SLC4A11: variants seen among roughly 807,000 people sequenced by gnomAD.
The protein encoded by SLC4A11 is solute carrier family 4 member 11, also known as bicarbonate transporter related protein 1.
A neutral mutation model predicts 95.0 loss-of-function variants in SLC4A11; 74 were observed. That is an observed-to-expected ratio of 0.78 (90% CI 0.65 to 0.95). The LOEUF (loss-of-function observed/expected upper bound fraction) is 0.95, where lower values mean the gene tolerates loss of function less well. SLC4A11 is among the 40% of genes least tolerant of loss of function. SLC4A11 has a pLI of 0.00. For synonymous variants in SLC4A11, 548 were observed against 519.0 expected (o/e 1.06, Z -0.76); for missense variants, 1,081 against 1,192.4 (o/e 0.91, Z 1.38).
chr20:3,229,060 G>GGGGGCCCC, intron 16 of SLC4A11, 35 bp downstream of exon 16: 2 of 1,542,122 alleles, frequency 1.3e-6, no homozygotes, highest in Non-Finnish European at 1.7e-6. Flanking sequence ...AGAGGCCCGG[G>GGGGGCCCC]CCCCGCCCAC....
rs1188387701 is a variant in SLC4A11 at position 3,231,296 on chromosome 20, A to ACCCTGCCGGCCCCCGCCGG, written c.948+15_948+33dup. 1 of 1,612,142 alleles carries ACCCTGCCGGCCCCCGCCGG rather than the reference A, an allele frequency of 6.2e-7. No homozygotes were observed. The highest frequency in any genetic ancestry group is 1.1e-5 in the South Asian group (1 of 91,002). ...CCCTGTCCGGCCCATGCCCCCGCCGACCCTGCCGGCCCCCGCCGGCCTCTA... is the reference window on the plus strand; with the variant it reads ...CCCTGTCCGGCCCATGCCCCCGCCGACCCTGCCGGCCCCCGCCGGCCCTGCCGGCCCCCGCCGGCCTCTA... On this transcript the variant is annotated intron_variant, in intron 8 of 19. Transcript: ENST00000642402. This position sits in a 1 kb window ranked among gnomAD's most constrained non-coding sequence, Gnocchi z 5.2.
In SLC4A11 at chr20:3,233,974, C is replaced by T. The variant is rs754766964; in HGVS notation, c.552G>A (p.Gly184=). 3 of 1,613,928 alleles carry T rather than the reference C, an allele frequency of 1.9e-6. No individual in the cohort carries two copies. Among genetic ancestry groups the T allele is most frequent in the Non-Finnish European group, 2.5e-6 (3 of 1,180,020 alleles). The change falls in exon 6 of 20, where the codon GGG becomes GGA. Residue 184 remains glycine (G), a synonymous_variant. Transcript: ENST00000642402. ...GCACCCCTGTCACTGTGGCGGTGAC[C>T]CCTTGGATGGTATCTGACAGCAGGT... is the stretch of plus-strand genomic sequence containing the variant. ...KVHLLSDTIQ[G]VTATVTGVRY...
chr20:3,238,320 G>T lies in SLC4A11; in HGVS notation c.44-732C>A, dbSNP rs879221686. 12 of 985,478 alleles carry T rather than the reference G, an allele frequency of 1.2e-5. 1 individual carries two copies. In the South Asian group the frequency reaches 5.2e-4, roughly 42 times the overall value. The allele number at this position is 985,478 out of a possible 1,614,324, so 61.0% of individuals were successfully genotyped here. A position where few individuals can be genotyped will look rare whatever the true frequency, so the allele number is the denominator to read the frequency against. Reference sequence around the variant, plus strand: ...GTCGGAGGAAGGAAGCGACAGGAGGGGCCGCGTGCACGAGAGGAAAGCGCC... The same window carrying T: ...GTCGGAGGAAGGAAGCGACAGGAGGTGCCGCGTGCACGAGAGGAAAGCGCC... On this transcript the variant is annotated intron_variant, in intron 1 of 19. Transcript: ENST00000642402.
In SLC4A11 at chr20:3,228,879, G is replaced by C. The variant is rs780159355; in HGVS notation, c.2151C>G (p.Ala717=). Residue 717 remains alanine, a synonymous_variant, in exon 17 of 20, where the codon GCC becomes GCG. Coordinates refer to ENST00000642402, the MANE Select transcript of SLC4A11 (RefSeq NM_001174089.2). ...CGTTCTCCACACGCTCCTCCACTAA[G>C]GCCAGGGCTCGCACGTGCAGCGGGG... ...PHSPLHVRAL[A]LVEERVENGH... is the part of the protein sequence containing the mutation. The C allele has an allele frequency of 9.3e-6, 15 of 1,613,932 alleles. No individual in the cohort carries two copies. Among genetic ancestry groups the C allele is most frequent in the Admixed American group, 1.7e-5 (1 of 60,012 alleles).
chr20:3,231,590 G>A lies in SLC4A11; in HGVS notation c.730-42C>T, dbSNP rs1481945362. 6.3e-7 allele frequency: 1 copy of A among 1,586,234 alleles called. No individual in the cohort carries two copies. Among genetic ancestry groups the A allele is most frequent in the Non-Finnish European group, 8.6e-7 (1 of 1,161,266 alleles). The stretch of plus-strand genomic sequence containing the variant: ...GGAGTCACCCCTAGAAACAGAGGAG[G>A]CCCTGCCCGGGCCGAGCAGGTGAAG... On this transcript the variant is annotated intron_variant, in intron 7 of 19. Coordinates refer to ENST00000642402, the MANE Select transcript of SLC4A11 (RefSeq NM_001174089.2). The surrounding 1 kb of genome is among the most constrained non-coding windows in gnomAD (Gnocchi z 5.2).
upstream of SLC4A11, chr20:3,239,471 G>C: frequency 9.7e-7 from 1 of 1,025,802 alleles, no homozygotes; most frequent in Non-Finnish European, 1.2e-6. Context: ...AGCGTCGCGA[G>C]TTTAGGGGCT....
chr20:3,230,608 T>A lies in SLC4A11; in HGVS notation c.1322A>T (p.Asn441Ile), dbSNP rs2067725899. 18 of 1,613,204 alleles carry A rather than the reference T, an allele frequency of 1.1e-5. No homozygotes were observed. In the East Asian group the frequency reaches 4.0e-4, roughly 36 times the overall value. ...CAGGCCCGTCCATGCGTAGAAGGAG[T>A]TGAAGTCCAGGTCATAGTCATCACA... The part of the protein sequence containing the change: ...VICDDYDLDF[N>I]SFYAWTGLWN... Residue 441 changes from asparagine to isoleucine, a missense_variant, in exon 12 of 20, where the codon AAC (asparagine) becomes ATC (isoleucine). Asn to Ile is a moderately radical substitution (Grantham distance 149). This residue lies in a region of SLC4A11 where 767 missense variants were observed against 858.0 expected (regional missense o/e 0.89). Coordinates refer to ENST00000642402, the MANE Select transcript of SLC4A11 (RefSeq NM_001174089.2).
intron 2 of SLC4A11, among the ~76,000 whole-genome samples, chr20:3,237,098 G>A (rs1467546498): frequency 6.6e-6 from 1 of 152,180 alleles, no homozygotes; most frequent in Non-Finnish European, 1.5e-5. Context: ...AGAGACATGA[G>A]GAGGAAGACA....
chr20:3,238,233 C>G, intron 1 of SLC4A11: 3 of 1,282,150 alleles, frequency 2.3e-6, no homozygotes, highest in Non-Finnish European at 3.0e-6. Context: ...ACACATGGGT[C>G]GGGGGAGGCT....
chr20:3,230,321 C>T (rs1287069930), intron 12 of SLC4A11, 61 bp from the exon 13 acceptor site: 1 of 1,595,424 alleles, frequency 6.3e-7, no homozygotes, highest in East Asian at 2.2e-5. Flanking sequence ...TGGGGGAGGC[C>T]TCCCTGAGCC....
intron 7 of SLC4A11, among the ~76,000 whole-genome samples, chr20:3,233,275 G>A (rs533568230): frequency 1.2e-3 from 180 of 152,290 alleles, no homozygotes; most frequent in African/African-American, 3.8e-3. Flanking sequence ...GTTTGAATAG[G>A]GATAGTGGTC....
At position 3,233,646 on chromosome 20, in the gene SLC4A11, G is replaced by C; in HGVS notation, c.606-9C>G. On this transcript the variant is annotated splice_polypyrimidine_tract_variant and intron_variant, in intron 6 of 19. Transcript: ENST00000642402. ...GGGCCTTCATGGTACAGCTGGCAGG[G>C]GCGGGGAGGACACAGTGCACAGTTG... 6.2e-7 allele frequency: 1 copy of C among 1,611,484 alleles called. No individual in the cohort carries two copies. Among genetic ancestry groups the C allele is most frequent in the Non-Finnish European group, 8.5e-7 (1 of 1,179,988 alleles).
At chr20:3,235,089 G>C (rs565298830) in intron 2 of SLC4A11, among the ~76,000 whole-genome samples, 195 bp from the exon 3 acceptor site, 22 of 152,296 alleles carry the variant, frequency 1.4e-4, no homozygotes, top group Admixed American at 1.4e-3. Flanking sequence ...CTGCCACAAA[G>C]TGAGTCTCCA....
In SLC4A11 at chr20:3,228,968, C is replaced by T. The variant is rs748362724; in HGVS notation, c.2062G>A (p.Ala688Thr). 5.0e-6 allele frequency: 8 copies of T among 1,613,694 alleles called. No individual in the cohort carries two copies. In the African/African-American group the frequency reaches 5.3e-5, roughly 11 times the overall value. The change falls in exon 17 of 20, where the codon GCC becomes ACC. Residue 688 changes from alanine to threonine, a missense_variant. By Grantham distance (58) the Ala-to-Thr change is moderately conservative. Around this residue, in one of 3 missense-constraint regions of SLC4A11, gnomAD observed 767 missense variants for 858.0 expected, o/e 0.89. Transcript: ENST00000642402. ...AGAGACAGCCCTGTGTTGATGATGG[C>T]GAGGAGCAGGAGGTCCCAGTGGTAG... ...TAYHWDLLLLAIINTGLSLFG... is the reference protein window; with the variant it reads ...TAYHWDLLLLTIINTGLSLFG...
intron 1 of SLC4A11, chr20:3,237,897 T>C (rs2068035868): frequency 6.4e-7 from 1 of 1,550,774 alleles, no homozygotes; most frequent in Non-Finnish European, 8.7e-7. Context: ...CAGTACCATG[T>C]TCGCTAATCC....
At position 3,234,681 on chromosome 20, in the gene SLC4A11, C is replaced by T. The variant is rs576554552; in HGVS notation, c.241+61G>A. The stretch of plus-strand genomic sequence containing the variant: ...TCTCCTCAGGTCTTTCTTAGTAAGG[C>T]GAGTCACACCTGCCCAGTCCCGTGC... On this transcript the variant is annotated intron_variant, in intron 3 of 19. Coordinates refer to ENST00000642402, the MANE Select transcript of SLC4A11 (RefSeq NM_001174089.2). This position sits in a 1 kb window ranked among gnomAD's most constrained non-coding sequence, Gnocchi z 5.8. The T allele has an allele frequency of 6.8e-6, 11 of 1,613,690 alleles. No individual in the cohort carries two copies. Among genetic ancestry groups the T allele is most frequent in the South Asian group, 2.2e-5 (2 of 91,086 alleles).
rs145106433 is a variant in SLC4A11, at chr20:3,236,392, A to G, written c.88+1152T>C. Among the ~76,000 whole-genome samples the G allele has an allele frequency of 2.9e-4, 44 of 152,228 alleles. 1 individual carries two copies. The East Asian group carries it at 8.3e-3, about 29-fold the overall frequency. ...GAGATCGAGACCATCCTGGCTAACA[A>G]TGGCTAACATGGTGAAACCCTGTCT... On this transcript the variant is annotated intron_variant, in intron 2 of 19. Coordinates refer to ENST00000642402, the MANE Select transcript of SLC4A11 (RefSeq NM_001174089.2).
rs2067917464 is a variant in SLC4A11, at chr20:3,234,852, T to G, written c.131A>C (p.Glu44Ala). Residue 44 changes from glutamate to alanine, a missense_variant, in exon 3 of 20, where the codon GAG becomes GCG. By Grantham distance (107) the Glu-to-Ala change is moderately radical. Around this residue, in one of 3 missense-constraint regions of SLC4A11, gnomAD observed 310 missense variants for 313.5 expected, o/e 0.99. Transcript: ENST00000642402. The surrounding 1 kb of genome is among the most constrained non-coding windows in gnomAD (Gnocchi z 5.8). ...GAAGGCCTCATCCCCCAGGATCTCC[T>G]CTCGGGCTTCGAAGGTGTCATCTGT... Reference protein sequence around the residue: ...CDTDDTFEAREEILGDEAFDT... With the variant: ...CDTDDTFEARAEILGDEAFDT... 6.2e-7 allele frequency: 1 copy of G among 1,613,876 alleles called. No homozygotes were observed. Among genetic ancestry groups the G allele is most frequent in the African/African-American group, 1.3e-5 (1 of 74,884 alleles).
At chr20:3,239,367 C>T, upstream of SLC4A11, 1 of 1,125,696 alleles carries the variant, frequency 8.9e-7, no homozygotes, top group Non-Finnish European at 1.1e-6. Flanking sequence ...GCTGCTCCAG[C>T]CGGGCTGGGC....
Sources: allele counts gnomAD v4.1 joint callset (sites outside exome capture counted in the v4.1 genomes callset), GRCh38; gene constraint gnomAD v4.1.1; regional missense constraint gnomAD v4.1.1; non-coding constraint Gnocchi (gnomAD v3.1); transcripts MANE v1.5; gene names NCBI Gene and HGNC (gene_info 2026-07-23, HGNC 2026-07-21).